Variants in IL12RB2 observed in about 807,000 individuals in gnomAD.
IL12RB2 encodes interleukin 12 receptor subunit beta 2.
Under a neutral mutation model 89.4 loss-of-function variants are expected in IL12RB2, and 82 were observed. That is an observed-to-expected ratio of 0.92 (90% confidence interval 0.77 to 1.10). IL12RB2 has a LOEUF of 1.10. IL12RB2 is among the 50% of genes least tolerant of loss of function. The probability of loss-of-function intolerance (pLI) is 0.00; values close to 1 mark genes in which losing one functional copy is unlikely to be tolerated. For synonymous variants in IL12RB2, 368 were observed against 370.1 expected (o/e 0.99, Z 0.07); for missense variants, 963 against 1,031.9 (o/e 0.93, Z 0.92).
Position 67,350,980 on chromosome 1 carries a change from G to C in IL12RB2, c.1149G>C (p.Trp383Cys). Residue 383 changes from tryptophan (W) to cysteine (C), a missense_variant, in exon 10 of 17, where the codon TGG becomes TGC. Trp to Cys is a radical substitution (Grantham distance 215, BLOSUM62 -2). Coordinates refer to ENST00000674203, the MANE Select transcript of IL12RB2 (RefSeq NM_001374259.2). ...AGAACATCACAGGACACACCTCCTGGACCACAGTCATTCCTAGAACCGGAA... is the reference window on the plus strand; with the variant it reads ...AGAACATCACAGGACACACCTCCTGCACCACAGTCATTCCTAGAACCGGAA... ...MTQNITGHTS[W>C]TTVIPRTGNW... is the part of the protein sequence containing the mutation. 6.2e-7 allele frequency: 1 copy of C among 1,614,134 alleles called. No homozygotes were observed.
chr1:67,332,465 C>T (rs1010451678), intron 8 of IL12RB2, among the ~76,000 whole-genome samples: 1 of 152,144 alleles, frequency 6.6e-6, no homozygotes, highest in African/African-American at 2.4e-5. Context: ...ATCCACCTGC[C>T]TCGGCCTCCC....
At chr1:67,352,842 T>C (rs1660993134) in intron 10 of IL12RB2, among the ~76,000 whole-genome samples, 1 of 152,138 alleles carries the variant, frequency 6.6e-6, no homozygotes, top group African/African-American at 2.4e-5. Flanking sequence ...AAAGAGTAAG[T>C]AGAATGAACA....
chr1:67,376,246 A>G (rs1267311590), intron 13 of IL12RB2, among the ~76,000 whole-genome samples: 4 of 152,164 alleles, frequency 2.6e-5, no homozygotes, highest in Non-Finnish European at 4.4e-5. Flanking sequence ...AGCCATGGCA[A>G]TTTGCTCACC....
chr1:67,380,141 G>A lies in IL12RB2; in HGVS notation c.1855+18G>A, dbSNP rs760045427. On this transcript the variant is annotated intron_variant, in intron 14 of 16. Transcript: ENST00000674203. ...TCTGCAAGGTGAGAGGCAGTGTTAA[G>A]GATGATGAGTCCACCCTGGATTCTT... 1.2e-6 allele frequency: 2 copies of A among 1,613,656 alleles called. No individual in the cohort carries two copies. The highest frequency in any genetic ancestry group is 1.7e-6 in the Non-Finnish European group (2 of 1,179,668).
intron 13 of IL12RB2, among the ~76,000 whole-genome samples, chr1:67,376,064 T>A (rs1414212134): frequency 1.3e-5 from 2 of 152,026 alleles, no homozygotes; most frequent in African/African-American, 4.8e-5. Flanking sequence ...GCCAGGATGG[T>A]CTCAATCTCC....
chr1:67,330,663 A>G lies in IL12RB2; in HGVS notation c.811A>G (p.Asn271Asp). Residue 271 changes from asparagine (N) to aspartate (D), a missense_variant, in exon 8 of 17, where the codon AAT becomes GAT. Asn to Asp is a conservative substitution (Grantham distance 23). Transcript: ENST00000674203. ...TTAAAAAAATGTCTGTTTCAAGGTT[A>G]ATGTTACAAAGGCCAAAGGAAGACA... ...PSNSRLWNMV[N>D]VTKAKGRHDL... 1 of 1,495,952 alleles carries G rather than the reference A, an allele frequency of 6.7e-7. No individual in the cohort carries two copies. The highest frequency in any genetic ancestry group is 9.3e-7 in the Non-Finnish European group (1 of 1,072,664). The allele number at this position is 1,495,952 out of a possible 1,614,324, so 92.7% of individuals were successfully genotyped here.
At chr1:67,381,639 G>A (rs1043261819) in intron 14 of IL12RB2, among the ~76,000 whole-genome samples, 32 of 152,138 alleles carry the variant, frequency 2.1e-4, no homozygotes, top group African/African-American at 6.5e-4. Context: ...GGTGGCGGGC[G>A]CCTGTAGTCC....
intron 6 of IL12RB2, among the ~76,000 whole-genome samples, 159 bp downstream of exon 6, chr1:67,328,543 G>A (rs779618734): frequency 2.0e-5 from 3 of 152,206 alleles, no homozygotes; most frequent in Non-Finnish European, 4.4e-5. Context: ...GTAAAAGGGT[G>A]CATTATTCTG....
chr1:67,338,491 A>G, intron 8 of IL12RB2, 133 bp from the exon 9 acceptor site: 1 of 646,688 alleles, frequency 1.5e-6, no homozygotes, highest in Non-Finnish European at 2.8e-6. Context: ...GAAAAAGAAA[A>G]AATACTGGGA....
chr1:67,319,105 G>T (rs920170080), intron 2 of IL12RB2, among the ~76,000 whole-genome samples: 1 of 152,214 alleles, frequency 6.6e-6, no homozygotes, highest in African/African-American at 2.4e-5. Context: ...GCACATGAAA[G>T]GCAGCCATCC....
At chr1:67,373,860 G>C (rs3790570) in intron 13 of IL12RB2, among the ~76,000 whole-genome samples, 71,173 of 152,052 alleles carry the variant, frequency 0.47, 18,864 homozygotes, top group Non-Finnish European at 0.58. Context: ...AGAGCTGCCT[G>C]CAGGGGTGAT....
intron 4 of IL12RB2, among the ~76,000 whole-genome samples, chr1:67,323,144 A>G (rs531458694): frequency 1.3e-5 from 2 of 152,082 alleles, no homozygotes; most frequent in Non-Finnish European, 2.9e-5. Context: ...CTATAAGGAT[A>G]TATATATATA....
intron 11 of IL12RB2, among the ~76,000 whole-genome samples, chr1:67,369,954 G>A (rs1051956236): frequency 2.6e-5 from 4 of 151,168 alleles, no homozygotes; most frequent in South Asian, 2.1e-4. Context: ...CCCGGGAAGC[G>A]GAGATTGCAG....
At chr1:67,375,732 G>T (rs1260021146) in intron 13 of IL12RB2, among the ~76,000 whole-genome samples, 1 of 151,912 alleles carries the variant, frequency 6.6e-6, no homozygotes, top group Non-Finnish European at 1.5e-5. Flanking sequence ...CAGGTATCTG[G>T]ATTGTAATGA....
At chr1:67,350,521 G>A (rs1414820007) in intron 9 of IL12RB2, among the ~76,000 whole-genome samples, 1 of 152,250 alleles carries the variant, frequency 6.6e-6, no homozygotes, top group Non-Finnish European at 1.5e-5. Context: ...TGTGTAAACA[G>A]TAGAGCTGGA....
intron 10 of IL12RB2, among the ~76,000 whole-genome samples, chr1:67,362,637 G>A (rs1209305708): frequency 2.0e-5 from 3 of 149,696 alleles, no homozygotes; most frequent in African/African-American, 7.3e-5. Context: ...AAAGAGTAGA[G>A]TAAAATATTT....
chr1:67,357,800 G>C (rs944074264), intron 10 of IL12RB2, among the ~76,000 whole-genome samples: 3 of 152,182 alleles, frequency 2.0e-5, no homozygotes, highest in African/African-American at 7.2e-5. Context: ...TTAAATTAGT[G>C]AGAGGAAGAC....
intron 13 of IL12RB2, among the ~76,000 whole-genome samples, chr1:67,373,880 G>C (rs769608941): frequency 1.1e-4 from 16 of 152,102 alleles, no homozygotes; most frequent in Non-Finnish European, 1.5e-4. Flanking sequence ...TTTTCACCTG[G>C]GAAGCTTTAT....
At chr1:67,351,852 G>A (rs1660885750) in intron 10 of IL12RB2, among the ~76,000 whole-genome samples, 2 of 152,056 alleles carry the variant, frequency 1.3e-5, no homozygotes, top group South Asian at 4.1e-4. Flanking sequence ...ATTAGGCAAG[G>A]AAATTGATAT....
Sources: allele counts gnomAD v4.1 joint callset (sites outside exome capture counted in the v4.1 genomes callset), GRCh38; gene constraint gnomAD v4.1.1; transcripts MANE v1.5; gene names NCBI Gene and HGNC (gene_info 2026-07-23, HGNC 2026-07-21).